PRKN: variants seen among roughly 807,000 people sequenced by gnomAD.
PRKN encodes the protein E3 ubiquitin-protein ligase parkin.
Under a neutral mutation model 59.5 loss-of-function variants are expected in PRKN, and 56 were observed. The ratio of observed to expected loss-of-function variants is 0.94; its 90% CI spans 0.76 to 1.18. PRKN has a LOEUF of 1.18. Among genes scored for constraint, PRKN ranks in the 50% most tolerant of loss-of-function variants. PRKN has a pLI of 0.00. For synonymous variants in PRKN, 250 were observed against 222.1 expected, an observed-to-expected ratio of 1.13 and a Z score of -1.12; for missense variants, 657 against 596.4, an observed-to-expected ratio of 1.10 and a Z score of -1.06.
At chr6:162,550,953 T>C (rs1174861083) in intron 1 of PRKN, among the ~76,000 whole-genome samples, 1 of 152,140 alleles carries the variant, frequency 6.6e-6, no homozygotes, top group Non-Finnish European at 1.5e-5. Flanking sequence ...ATCCTACGCA[T>C]ACCCACCTGA....
At chr6:161,720,106 C>T (rs960083667) in intron 7 of PRKN, among the ~76,000 whole-genome samples, 7 of 151,928 alleles carry the variant, frequency 4.6e-5, no homozygotes, top group African/African-American at 1.5e-4. Flanking sequence ...ACTGGAAAGT[C>T]GAAAAAAATA....
At chr6:162,490,833 T>G (rs1301961090) in intron 1 of PRKN, among the ~76,000 whole-genome samples, 3 of 152,068 alleles carry the variant, frequency 2.0e-5, no homozygotes, top group African/African-American at 7.2e-5. Context: ...ACTGAGCCCT[T>G]CAAAAGGACG....
intron 6 of PRKN, among the ~76,000 whole-genome samples, chr6:161,897,340 C>T (rs558660975): frequency 2.0e-5 from 3 of 152,276 alleles, no homozygotes; most frequent in African/African-American, 7.2e-5. Context: ...TCTCATTCAA[C>T]TTCTCTTCTT....
chr6:162,212,621 C>G (rs1272589286), intron 3 of PRKN, among the ~76,000 whole-genome samples: 1 of 152,170 alleles, frequency 6.6e-6, no homozygotes, highest in Non-Finnish European at 1.5e-5. Flanking sequence ...TTAGAGAAAT[C>G]TAAACATGCT....
intron 4 of PRKN, among the ~76,000 whole-genome samples, chr6:162,192,495 C>T (rs1784324679): frequency 8.6e-6 from 1 of 116,338 alleles, no homozygotes; most frequent in Non-Finnish European, 1.6e-5. Flanking sequence ...CTCTGTCACT[C>T]AGGCTGGAAT....
rs115877713 is a variant in PRKN, at chr6:162,382,841, T to A, written c.171+60469A>T. Among the ~76,000 whole-genome samples the A allele has an allele frequency of 5.6e-3, 853 of 152,332 alleles. 4 individuals are homozygous for A. The highest frequency in any genetic ancestry group is 0.018 in the African/African-American group (740 of 41,570). The stretch of plus-strand genomic sequence containing the variant: ...CTCTCAAAGCCACTGCTTTATCAGC[T>A]AAGTTATGCAGTATCTAAATCCTTG... On this transcript the variant is annotated intron_variant, in intron 2 of 11. Transcript: ENST00000366898.
At chr6:162,296,061 G>A (rs1399297754) in intron 2 of PRKN, among the ~76,000 whole-genome samples, 1 of 152,136 alleles carries the variant, frequency 6.6e-6, no homozygotes, top group East Asian at 1.9e-4. Context: ...TCTGGGATTT[G>A]TTCATTTTAA....
intron 4 of PRKN, among the ~76,000 whole-genome samples, chr6:162,064,929 A>G (rs936400971): frequency 3.3e-5 from 5 of 152,328 alleles, no homozygotes; most frequent in African/African-American, 1.2e-4. Context: ...ACAGAAAACA[A>G]TTTGAAATCC....
chr6:161,568,462 G>A (rs560655071), intron 8 of PRKN, among the ~76,000 whole-genome samples: 1 of 152,150 alleles, frequency 6.6e-6, no homozygotes, highest in African/African-American at 2.4e-5. Flanking sequence ...GTGTGGTGGC[G>A]GGCGCCTGTA....
rs909053986 is a variant in PRKN, at chr6:161,454,244, G to A, written c.1084-67367C>T. ...AGGTCGGGGTGGCATTAGCACTGAC[G>A]GCACATAGCCTGTGTCTTTTGAGCT... is the stretch of plus-strand genomic sequence containing the variant. On this transcript the variant is annotated intron_variant, in intron 9 of 11. Coordinates refer to ENST00000366898, the MANE Select transcript of PRKN (RefSeq NM_004562.3). This position sits in a 1 kb window ranked among gnomAD's most constrained non-coding sequence, Gnocchi z 4.6. Among the ~76,000 whole-genome samples, 3 of 152,124 alleles carry A rather than the reference G, an allele frequency of 2.0e-5. No homozygotes were observed. The highest frequency in any genetic ancestry group is 4.4e-5 in the Non-Finnish European group (3 of 68,024).
Position 162,282,329 on chromosome 6 carries a change from A to T in PRKN, c.172-19564T>A, listed in dbSNP as rs529723986. Among the ~76,000 whole-genome samples the T allele has an allele frequency of 4.2e-4, 55 of 131,074 alleles. No individual in the cohort carries two copies. In the South Asian group the frequency reaches 0.013, roughly 32 times the overall value. The allele number at this position is 131,074 out of a possible 152,430, so 86.0% of individuals were successfully genotyped here. On this transcript the variant is annotated intron_variant, in intron 2 of 11. Transcript: ENST00000366898. ...GACTTCCATACAAGAAGAGTATATT[A>T]AAAAAAAAATCCACACCCTCTCAGA...
In PRKN at chr6:161,748,946, G is replaced by C. The variant is rs559580826; in HGVS notation, c.871+36826C>G. Among the ~76,000 whole-genome samples, 6 of 152,292 alleles carry C rather than the reference G, an allele frequency of 3.9e-5. No individual in the cohort carries two copies. In the East Asian group the frequency reaches 1.2e-3, roughly 29 times the overall value. ...ATGTGTATTCCACAACGCATGAAAA[G>C]ACCAGACAAAGCGAAACAAAACAAA... is the stretch of plus-strand genomic sequence containing the variant. On this transcript the variant is annotated intron_variant, in intron 7 of 11. Transcript: ENST00000366898.
rs1260231724 is a variant in PRKN, at chr6:162,404,574, G to C, written c.171+38736C>G. ...ACCAACACTTATGGGTTTTTGGTTTGTTTGTTTCACTCTTGTTGCCCAGGC... is the reference window on the plus strand; with the variant it reads ...ACCAACACTTATGGGTTTTTGGTTTCTTTGTTTCACTCTTGTTGCCCAGGC... On this transcript the variant is annotated intron_variant, in intron 2 of 11. Coordinates refer to ENST00000366898, the MANE Select transcript of PRKN (RefSeq NM_004562.3). Among the ~76,000 whole-genome samples the C allele has an allele frequency of 2.8e-5, 4 of 141,970 alleles. No homozygotes were observed. The East Asian group carries it at 7.9e-4, about 28-fold the overall frequency. The allele number at this position is 141,970 out of a possible 152,430, so 93.1% of individuals were successfully genotyped here.
chr6:162,401,705 A>G (rs1214933067), intron 2 of PRKN, among the ~76,000 whole-genome samples: 1 of 152,194 alleles, frequency 6.6e-6, no homozygotes, highest in Non-Finnish European at 1.5e-5. Flanking sequence ...TAATATAAGG[A>G]AAGAGAAAGA....
intron 3 of PRKN, among the ~76,000 whole-genome samples, chr6:162,220,655 A>T (rs1237931947): frequency 6.6e-6 from 1 of 152,084 alleles, no homozygotes; most frequent in African/African-American, 2.4e-5. Context: ...TCAATCAACG[A>T]AAAAAAAGTC....
chr6:162,325,070 CAAGT>C (rs1325339889), intron 2 of PRKN, among the ~76,000 whole-genome samples: 6 of 151,992 alleles, frequency 3.9e-5, no homozygotes, highest in African/African-American at 1.4e-4. Context: ...CATAAATACA[CAAGT>C]AATAACATTA....
rs1754647360 is a variant in PRKN at position 161,459,569 on chromosome 6, G to T, written c.1084-72692C>A. Among the ~76,000 whole-genome samples the T allele has an allele frequency of 6.6e-6, 1 of 152,180 alleles. No individual in the cohort carries two copies. Among genetic ancestry groups the T allele is most frequent in the Non-Finnish European group, 1.5e-5 (1 of 68,038 alleles). ...GAATGCCTAGAGCTTCTGGCACACA[G>T]GGTAGCAGGCCTTCCTGATGCCCCA... is the stretch of plus-strand genomic sequence containing the variant. On this transcript the variant is annotated intron_variant, in intron 9 of 11. Coordinates refer to ENST00000366898, the MANE Select transcript of PRKN (RefSeq NM_004562.3). This position sits in a 1 kb window ranked among gnomAD's most constrained non-coding sequence, Gnocchi z 4.8.
chr6:161,749,588 T>C (rs1788588877), intron 7 of PRKN, among the ~76,000 whole-genome samples: 1 of 152,148 alleles, frequency 6.6e-6, no homozygotes, highest in Admixed American at 6.5e-5. Context: ...TCTTCACCTG[T>C]ACCTCTTATC....
chr6:162,695,381 T>C (rs1351002024), intron 1 of PRKN, among the ~76,000 whole-genome samples: 4 of 152,020 alleles, frequency 2.6e-5, no homozygotes, highest in African/African-American at 9.7e-5. Flanking sequence ...AATCTAAAAT[T>C]TCAGGAATGA....
Sources: gnomAD v4.1 joint callset for allele counts (sites outside exome capture counted in the v4.1 genomes callset) on GRCh38, gnomAD v4.1.1 for gene constraint, Gnocchi (gnomAD v3.1) non-coding constraint, MANE v1.5 for transcripts, NCBI Gene and HGNC (gene_info 2026-07-23, HGNC 2026-07-21) for gene names.